The following CRISP1 variants were observed in gnomAD, a reference collection of about 807,000 sequenced individuals.
The protein encoded by CRISP1 is cysteine rich secretory protein 1.
In CRISP1, 44 loss-of-function variants were observed where a neutral mutation model predicts 33.1. That is an observed-to-expected ratio of 1.33 (90% confidence interval 1.05 to 1.71). The LOEUF (loss-of-function observed/expected upper bound fraction) is 1.71, where lower values mean the gene tolerates loss of function less well. Among genes scored for constraint, CRISP1 ranks in the 40% most tolerant of loss-of-function variants. The probability of loss-of-function intolerance (pLI) is 0.00; values close to 1 mark genes in which losing one functional copy is unlikely to be tolerated. For synonymous variants in CRISP1, 103 were observed against 98.7 expected, an observed-to-expected ratio of 1.04 and a Z score of -0.26; for missense variants, 390 against 301.2, an observed-to-expected ratio of 1.29 and a Z score of -2.18.
At chr6:49,851,649 G>A (rs1045628652) in intron 3 of CRISP1, among the ~76,000 whole-genome samples, 3 of 152,194 alleles carry the variant, frequency 2.0e-5, no homozygotes, top group African/African-American at 2.4e-5. Flanking sequence ...TCAGCTGGGA[G>A]CTTGTGGTGG....
chr6:49,844,716 T>A (rs182127353), intron 5 of CRISP1, among the ~76,000 whole-genome samples: 3 of 152,292 alleles, frequency 2.0e-5, no homozygotes, highest in East Asian at 3.9e-4. Flanking sequence ...TACTATCACA[T>A]GAAATTTCTT....
At chr6:49,841,453 T>A (rs1264268032) in intron 5 of CRISP1, among the ~76,000 whole-genome samples, 1 of 152,164 alleles carries the variant, frequency 6.6e-6, no homozygotes, top group Non-Finnish European at 1.5e-5. Context: ...GTTGCCTTTC[T>A]GTACATGGGC....
intron 1 of CRISP1, among the ~76,000 whole-genome samples, chr6:49,876,245 C>T (rs114492353): frequency 0.014 from 2,101 of 152,202 alleles, 17 homozygotes; most frequent in Non-Finnish European, 0.022. Context: ...ACAGATACTT[C>T]TCAAAAGAAG....
chr6:49,862,864 G>A (rs1771691621), intron 1 of CRISP1, among the ~76,000 whole-genome samples: 1 of 149,952 alleles, frequency 6.7e-6, no homozygotes, highest in East Asian at 1.9e-4. Context: ...TTTTGCTTGA[G>A]GTCTAAAATA....
At chr6:49,848,325 CAT>C (rs1349839144) in intron 3 of CRISP1, 26 bp from the exon 4 acceptor site, 1 of 1,345,758 alleles carries the variant, frequency 7.4e-7, no homozygotes, top group South Asian at 1.3e-5. Flanking sequence ...AAAAAAAGCA[CAT>C]GTTCCAATTA....
chr6:49,838,019 G>T (rs1770859375), intron 7 of CRISP1, among the ~76,000 whole-genome samples: 1 of 152,144 alleles, frequency 6.6e-6, no homozygotes, highest in Non-Finnish European at 1.5e-5. Context: ...ACAATAAGTG[G>T]TCAGGCAACC....
At chr6:49,857,176 AT>A (rs1561947008) in intron 2 of CRISP1, among the ~76,000 whole-genome samples, 158 bp downstream of exon 2, 1 of 152,176 alleles carries the variant, frequency 6.6e-6, no homozygotes, top group African/African-American at 2.4e-5. Context: ...ATAAAATGGT[AT>A]TAAGATGAGT....
At chr6:49,867,447 T>C (rs755493823), upstream of CRISP1, among the ~76,000 whole-genome samples, 22 of 152,128 alleles carry the variant, frequency 1.4e-4, no homozygotes, top group Middle Eastern at 3.4e-3. Context: ...TAATAAAAAA[T>C]ATTTTTCTTG....
At chr6:49,869,906 A>G (rs972914852), upstream of CRISP1, among the ~76,000 whole-genome samples, 4 of 152,160 alleles carry the variant, frequency 2.6e-5, no homozygotes, top group African/African-American at 7.2e-5. Context: ...CTAAACCCAA[A>G]CAAGGTTGAA....
chr6:49,838,958 G>A (rs1039848783), intron 6 of CRISP1, among the ~76,000 whole-genome samples: 1 of 152,128 alleles, frequency 6.6e-6, no homozygotes, highest in Non-Finnish European at 1.5e-5. Flanking sequence ...AGTGAGGCAA[G>A]TTAGAGAGGT....
upstream of CRISP1, among the ~76,000 whole-genome samples, chr6:49,866,727 G>A (rs1479772917): frequency 6.6e-6 from 1 of 152,010 alleles, no homozygotes; most frequent in Non-Finnish European, 1.5e-5. Flanking sequence ...TTTTACCCTG[G>A]GAACTAACTG....
At chr6:49,838,029 C>G (rs1770859957) in intron 7 of CRISP1, among the ~76,000 whole-genome samples, 1 of 152,094 alleles carries the variant, frequency 6.6e-6, no homozygotes, top group Non-Finnish European at 1.5e-5. Flanking sequence ...GTCAGGCAAC[C>G]TGGGTAGGTA....
intron 4 of CRISP1, among the ~76,000 whole-genome samples, chr6:49,847,724 A>T (rs1228150792): frequency 6.6e-6 from 1 of 152,148 alleles, no homozygotes; most frequent in Non-Finnish European, 1.5e-5. Flanking sequence ...GGAAACTAGC[A>T]GTAAGTTACC....
At chr6:49,853,833 G>A (rs759224572) in intron 2 of CRISP1, among the ~76,000 whole-genome samples, 5 of 151,958 alleles carry the variant, frequency 3.3e-5, no homozygotes, top group East Asian at 1.9e-4. Context: ...TCCCAACTTC[G>A]GATGAGACTG....
intron 2 of CRISP1, among the ~76,000 whole-genome samples, chr6:49,854,338 C>T (rs1208684910): frequency 6.6e-6 from 1 of 152,128 alleles, no homozygotes; most frequent in African/African-American, 2.4e-5. Flanking sequence ...CTTTTTGGCC[C>T]TTCCCAGCAG....
chr6:49,840,087 G>A (rs1001400952), intron 6 of CRISP1, among the ~76,000 whole-genome samples: 1 of 152,146 alleles, frequency 6.6e-6, no homozygotes, highest in Non-Finnish European at 1.5e-5. Context: ...ATATATGATG[G>A]CGTCACTGAC....
chr6:49,849,647 A>G (rs995895151), intron 3 of CRISP1, among the ~76,000 whole-genome samples: 4 of 152,156 alleles, frequency 2.6e-5, no homozygotes, highest in African/African-American at 9.7e-5. Context: ...TGTTTTTACT[A>G]TAAGTTTTTA....
chr6:49,850,281 C>T (rs1307654173), intron 3 of CRISP1, among the ~76,000 whole-genome samples: 2 of 151,930 alleles, frequency 1.3e-5, no homozygotes, highest in African/African-American at 4.8e-5. Flanking sequence ...GAAAACTTAC[C>T]GGAACTGGAA....
In CRISP1 at chr6:49,857,316, A is replaced by G. The variant is rs1294492588; in HGVS notation, c.66+19T>C. ...TCTTTATTTAGAAAGTAATTATGAA[A>G]CATCCAACCCTCACATACTTTCATG... On this transcript the variant is annotated intron_variant, in intron 2 of 7. Transcript: ENST00000335847. 1.2e-6 allele frequency: 2 copies of G among 1,609,736 alleles called. No homozygotes were observed. Among genetic ancestry groups the G allele is most frequent in the African/African-American group, 2.7e-5 (2 of 74,752 alleles).
Sources: allele counts gnomAD v4.1 joint callset (sites outside exome capture counted in the v4.1 genomes callset), GRCh38; gene constraint gnomAD v4.1.1; transcripts MANE v1.5; gene names NCBI Gene and HGNC (gene_info 2026-07-23, HGNC 2026-07-21).